The following NF2 variants were observed in gnomAD, a reference collection of about 807,000 sequenced individuals.
NF2 encodes the protein merlin.
A neutral mutation model predicts 83.7 loss-of-function variants in NF2; 8 were observed. The observed-to-expected ratio is 0.10, with a 90% CI of 0.06 to 0.17. NF2 has a LOEUF of 0.17. Among genes scored for constraint, NF2 ranks in the 10% least tolerant of loss-of-function variants. The pLI is 1.00. For synonymous variants in NF2, 266 were observed against 269.6 expected (o/e 0.99, Z 0.13); for missense variants, 533 against 744.4 (o/e 0.72, Z 3.31).
intron 1 of NF2, among the ~76,000 whole-genome samples, chr22:29,614,803 T>C (rs2065042817): frequency 6.6e-6 from 1 of 151,970 alleles, no homozygotes; most frequent in Non-Finnish European, 1.5e-5. Context: ...ATCTGAGCAC[T>C]TTAGGATGTT....
chr22:29,642,255 G>A lies in NF2; in HGVS notation c.417G>A (p.Val139=), dbSNP rs2146894145. The A allele has an allele frequency of 1.9e-6, 3 of 1,614,102 alleles. No homozygotes were observed. Among genetic ancestry groups the A allele is most frequent in the Non-Finnish European group, 2.5e-6 (3 of 1,179,956 alleles). The change falls in exon 4 of 16, where the codon GTG becomes GTA. Residue 139 remains valine, a synonymous_variant. Transcript: ENST00000338641. ...EKIYCPPEAS[V]LLASYAVQAK... ...TCTACTGCCCTCCTGAGGCTTCTGTGCTCCTGGCTTCTTACGCCGTCCAGG... is the reference window on the plus strand; with the variant it reads ...TCTACTGCCCTCCTGAGGCTTCTGTACTCCTGGCTTCTTACGCCGTCCAGG...
At chr22:29,676,842 C>T (rs566237165) in intron 13 of NF2, among the ~76,000 whole-genome samples, 4 of 148,558 alleles carry the variant, frequency 2.7e-5, no homozygotes, top group Admixed American at 6.7e-5. Flanking sequence ...AACTAGTACG[C>T]GTTTTTGCTG....
Position 29,678,061 on chromosome 22 carries a change from C to T in NF2, c.1447-135C>T, listed in dbSNP as rs996739084. On this transcript the variant is annotated intron_variant, in intron 13 of 15. Coordinates refer to ENST00000338641, the MANE Select transcript of NF2 (RefSeq NM_000268.4). ...GGAGTGAAGTGGAGGGATGGGGACTCGTGGTGGCATTGGGAGGTGGGACCC... is the reference window on the plus strand; with the variant it reads ...GGAGTGAAGTGGAGGGATGGGGACTTGTGGTGGCATTGGGAGGTGGGACCC... The T allele has an allele frequency of 2.2e-5, 23 of 1,056,718 alleles. No individual in the cohort carries two copies. In the African/African-American group the frequency reaches 2.3e-4, roughly 11 times the overall value. The allele number at this position is 1,056,718 out of a possible 1,614,324, so 65.5% of individuals were successfully genotyped here.
chr22:29,604,838 C>T (rs111535811), intron 1 of NF2, among the ~76,000 whole-genome samples: 56 of 152,318 alleles, frequency 3.7e-4, no homozygotes, highest in Non-Finnish European at 7.2e-4. Flanking sequence ...ATATTTTCAA[C>T]TTTGTAGACT....
At chr22:29,605,758 C>T (rs1284486291) in intron 1 of NF2, among the ~76,000 whole-genome samples, 2 of 152,198 alleles carry the variant, frequency 1.3e-5, no homozygotes, top group Non-Finnish European at 2.9e-5. Context: ...ATCATTCCCT[C>T]CTTACTCACT....
chr22:29,660,845 G>C (rs1247470705), intron 7 of NF2, among the ~76,000 whole-genome samples: 1 of 152,202 alleles, frequency 6.6e-6, no homozygotes, highest in Non-Finnish European at 1.5e-5. Context: ...GGGATTACAG[G>C]CATGAGCCAC....
In NF2 at chr22:29,696,178, A is replaced by C; in HGVS notation, c.*1376A>C. ...AACCTCCACCTCCTGAGTTCAAGCA[A>C]TTCTCCTGCCTCAGCCTCCCAAGTA... is the stretch of plus-strand genomic sequence containing the variant. On this transcript the variant is annotated 3_prime_UTR_variant, in exon 16 of 16. Transcript: ENST00000338641. 1 of 219,952 alleles carries C rather than the reference A, an allele frequency of 4.5e-6. No individual in the cohort carries two copies. Among genetic ancestry groups the C allele is most frequent in the African/African-American group, 2.3e-5 (1 of 43,916 alleles). 13.6% of individuals were successfully genotyped at this position (219,952 alleles called of 1,614,324 possible).
intron 15 of NF2, among the ~76,000 whole-genome samples, chr22:29,691,189 TG>T (rs1456922190): frequency 1.3e-5 from 2 of 152,128 alleles, no homozygotes; most frequent in Non-Finnish European, 2.9e-5. Context: ...CCCGCCCTCC[TG>T]GGGGGACTCC....
At position 29,696,961 on chromosome 22, in the gene NF2, C is replaced by T. The variant is rs550425263; in HGVS notation, c.*2159C>T. On this transcript the variant is annotated 3_prime_UTR_variant, in exon 16 of 16. Transcript: ENST00000338641. ...CCTCCCGAGTAGCTGGGACTACAGG[C>T]GTGTGCCACCATGCCTGGCTAATTT... is the stretch of plus-strand genomic sequence containing the variant. 6.0e-5 allele frequency: 11 copies of T among 182,244 alleles called. No individual in the cohort carries two copies. Among genetic ancestry groups the T allele is most frequent in the Non-Finnish European group, 1.2e-4 (10 of 85,678 alleles). The allele number at this position is 182,244 out of a possible 1,614,324, so 11.3% of individuals were successfully genotyped here.
Position 29,673,402 on chromosome 22 carries a change from C to T in NF2, c.1256C>T (p.Thr419Met), listed in dbSNP as rs1216540232. The change falls in exon 12 of 16, where the codon ACG (threonine) becomes ATG (methionine). Residue 419 changes from threonine (T) to methionine (M), a missense_variant. By Grantham distance (81) the Thr-to-Met change is moderately conservative. Transcript: ENST00000338641. ...MQRIKATAIRTEEEKRLMEQK... is the reference protein window; with the variant it reads ...MQRIKATAIRMEEEKRLMEQK... ...CGCATCAAGGCCACAGCGATTCGCA[C>T]GGAGGAGGAGAAGCGCCTGATGGAG... The T allele has an allele frequency of 5.0e-6, 8 of 1,612,358 alleles. No individual in the cohort carries two copies. Among genetic ancestry groups the T allele is most frequent in the Non-Finnish European group, 6.8e-6 (8 of 1,179,502 alleles).
At chr22:29,664,603 C>A (rs1479101411) in intron 8 of NF2, among the ~76,000 whole-genome samples, 2 of 152,176 alleles carry the variant, frequency 1.3e-5, no homozygotes, top group Non-Finnish European at 2.9e-5. Context: ...GATGTGATTT[C>A]TTGAGTAATT....
At chr22:29,664,210 C>T (rs1226149391) in intron 8 of NF2, among the ~76,000 whole-genome samples, 6 of 152,100 alleles carry the variant, frequency 3.9e-5, no homozygotes, top group African/African-American at 7.2e-5. Context: ...TGGCCTCAAG[C>T]GATCCTCCTG....
intron 9 of NF2, among the ~76,000 whole-genome samples, chr22:29,666,281 C>G (rs903888672): frequency 1.3e-5 from 2 of 152,100 alleles, no homozygotes; most frequent in African/African-American, 4.8e-5. Context: ...GCTGGGATTA[C>G]AGGCGGCCAC....
intron 3 of NF2, 113 bp downstream of exon 3, chr22:29,639,325 CTGGAAGGTCAGCCCCTT>C: frequency 7.5e-7 from 1 of 1,340,528 alleles, no homozygotes; most frequent in Non-Finnish European, 1.1e-6. Context: ...TATTCTACCT[CTGGAAGGTCAGCCCCTT>C]TGGTTCTGTA....
chr22:29,693,704 G>T (rs576109699), intron 15 of NF2, among the ~76,000 whole-genome samples: 2 of 152,228 alleles, frequency 1.3e-5, no homozygotes, highest in South Asian at 2.1e-4. Context: ...TGCCTCTCCC[G>T]CGAACCTCAG....
At chr22:29,658,724 A>G (rs1349267410) in intron 7 of NF2, among the ~76,000 whole-genome samples, 2 of 146,406 alleles carry the variant, frequency 1.4e-5, no homozygotes, top group South Asian at 2.2e-4. Flanking sequence ...TTGGTTTTCT[A>G]TTCAGACTAT....
In NF2 at chr22:29,664,347, A is replaced by G. The variant is rs549037123; in HGVS notation, c.811-643A>G. Among the ~76,000 whole-genome samples the G allele has an allele frequency of 3.3e-5, 5 of 149,798 alleles. No individual in the cohort carries two copies. In the East Asian group the frequency reaches 9.8e-4, roughly 29 times the overall value. On this transcript the variant is annotated intron_variant, in intron 8 of 15. Transcript: ENST00000338641. The stretch of plus-strand genomic sequence containing the variant: ...CCTCTCAGGCTAAACCTATTATATC[A>G]TCTTAGTCACCAAAAAGCTAATACC...
chr22:29,678,407 G>T, intron 14 of NF2, 84 bp downstream of exon 14: 2 of 1,535,498 alleles, frequency 1.3e-6, no homozygotes, highest in Non-Finnish European at 9.0e-7. Flanking sequence ...GCAGAGGTGA[G>T]AGGTCGCTGC....
rs1216632641 is a variant in NF2, at chr22:29,696,475, A to G, written c.*1673A>G. The stretch of plus-strand genomic sequence containing the variant: ...AAAAGATAGAGGCTATGGGGGCCTC[A>G]AGATTTTTGGAGAGCAGAGGTGGTC... On this transcript the variant is annotated 3_prime_UTR_variant, in exon 16 of 16. Transcript: ENST00000338641. 1.8e-5 allele frequency: 4 copies of G among 220,460 alleles called. No homozygotes were observed. The highest frequency in any genetic ancestry group is 2.7e-5 in the Non-Finnish European group (3 of 109,880). The allele number at this position is 220,460 out of a possible 1,614,324, so 13.7% of individuals were successfully genotyped here.
Sources: gnomAD v4.1 joint callset for allele counts (sites outside exome capture counted in the v4.1 genomes callset) on GRCh38, gnomAD v4.1.1 for gene constraint, MANE v1.5 for transcripts, NCBI Gene and HGNC (gene_info 2026-07-23, HGNC 2026-07-21) for gene names.